NELL2: variants seen among roughly 807,000 people sequenced by gnomAD.
NELL2 encodes neural EGFL like 2.
Under a neutral mutation model 109.6 loss-of-function variants are expected in NELL2, and 41 were observed. The observed-to-expected ratio is 0.37, with a 90% CI of 0.29 to 0.49. NELL2 has a LOEUF of 0.49. Among genes scored for constraint, NELL2 ranks in the 20% least tolerant of loss-of-function variants. NELL2 has a pLI of 0.98. For missense variants in NELL2, 900 were observed against 1,008.3 expected (o/e 0.89, Z 1.45); for synonymous variants, 355 against 344.7 (o/e 1.03, Z -0.33).
chr12:44,638,718 A>T (rs1276806803), intron 13 of NELL2, among the ~76,000 whole-genome samples: 1 of 152,184 alleles, frequency 6.6e-6, no homozygotes, highest in Non-Finnish European at 1.5e-5. Flanking sequence ...TTGATAACAC[A>T]TCTTGTAACA....
chr12:44,648,943 T>TGTG, intron 13 of NELL2, among the ~76,000 whole-genome samples: 2 of 147,754 alleles, frequency 1.4e-5, no homozygotes, highest in Admixed American at 6.8e-5. Flanking sequence ...TGTGTGTGTG[T>TGTG]TTAGTAGAGA....
At chr12:44,804,294 G>A (rs1305369908) in intron 3 of NELL2, among the ~76,000 whole-genome samples, 1 of 151,844 alleles carries the variant, frequency 6.6e-6, no homozygotes, top group Non-Finnish European at 1.5e-5. Context: ...ACTAAAAAAA[G>A]AGGCAAACAT....
rs1555217784 is a variant in NELL2, at chr12:44,791,126, T to TATAC, written c.336-11105_336-11104insGTAT. On this transcript the variant is annotated intron_variant, in intron 3 of 19. Coordinates refer to ENST00000429094, the MANE Select transcript of NELL2 (RefSeq NM_001145108.2). The stretch of plus-strand genomic sequence containing the variant: ...ATATATATGTATATATATATGTATA[T>TATAC]ATATATATACACACGCACACACATA... Among the ~76,000 whole-genome samples the TATAC allele has an allele frequency of 1.3e-4, 9 of 67,870 alleles. 1 individual carries two copies. The highest frequency in any genetic ancestry group is 2.7e-4 in the Non-Finnish European group (9 of 33,378). The allele number at this position is 67,870 out of a possible 152,430, so 44.5% of individuals were successfully genotyped here. A position where few individuals can be genotyped will look rare whatever the true frequency, so the allele number is the denominator to read the frequency against.
Position 44,617,709 on chromosome 12 carries a change from A to AAAAAAAAAAAAAAAG in NELL2, c.1445-6740_1445-6739insCTTTTTTTTTTTTTT, listed in dbSNP as rs1461260807. ...TCCGTCTCAAAAAAAAAAAAAAAAA[A>AAAAAAAAAAAAAAAG]AAAAGAAAAAGCAGTTGTGAAGAAT... On this transcript the variant is annotated intron_variant, in intron 13 of 19. Coordinates refer to ENST00000429094, the MANE Select transcript of NELL2 (RefSeq NM_001145108.2). Among the ~76,000 whole-genome samples the AAAAAAAAAAAAAAAG allele has an allele frequency of 2.9e-5, 3 of 103,632 alleles. No homozygotes were observed. The East Asian group carries it at 6.3e-4, about 22-fold the overall frequency. 68.0% of individuals were successfully genotyped at this position (103,632 alleles called of 152,430 possible). A position where few individuals can be genotyped will look rare whatever the true frequency, so the allele number is the denominator to read the frequency against.
intron 9 of NELL2, among the ~76,000 whole-genome samples, chr12:44,763,490 C>T (rs778535097): frequency 1.2e-4 from 18 of 151,850 alleles, no homozygotes; most frequent in Non-Finnish European, 2.5e-4. Flanking sequence ...TTTAGGCAAA[C>T]AAACAAACAA....
chr12:44,650,437 A>G (rs1947260941), intron 13 of NELL2, among the ~76,000 whole-genome samples: 1 of 151,952 alleles, frequency 6.6e-6, no homozygotes, highest in Non-Finnish European at 1.5e-5. Context: ...CTGGGATTAC[A>G]GGCGCCTGCC....
intron 3 of NELL2, among the ~76,000 whole-genome samples, chr12:44,811,368 A>G (rs1943174197): frequency 1.3e-5 from 2 of 150,462 alleles, no homozygotes; most frequent in South Asian, 4.2e-4. Context: ...AATTAAAGAC[A>G]TTATATGTTA....
intron 1 of NELL2, among the ~76,000 whole-genome samples, chr12:44,887,433 A>T (rs1237076807): frequency 6.6e-6 from 1 of 151,858 alleles, no homozygotes. Flanking sequence ...ACTAGCATCC[A>T]TTATTGCCTG....
Position 44,520,056 on chromosome 12 carries a change from G to T in NELL2, c.2349C>A (p.Thr783=). 3.1e-6 allele frequency: 5 copies of T among 1,614,120 alleles called. No homozygotes were observed. The highest frequency in any genetic ancestry group is 4.2e-6 in the Non-Finnish European group (5 of 1,180,024). Residue 783 remains threonine, a synonymous_variant, in exon 19 of 20, where the codon ACC becomes ACA. Transcript: ENST00000429094. ...TGCCATGTTTGATCCAAGAGGACCCGGTGAAGCGAACCACATTCATTTCGT... is the reference window on the plus strand; with the variant it reads ...TGCCATGTTTGATCCAAGAGGACCCTGTGAAGCGAACCACATTCATTTCGT... ...CLDEMNVVRF[T]GSSWIKHGTE...
intron 15 of NELL2, among the ~76,000 whole-genome samples, chr12:44,578,068 C>A (rs139376599): frequency 6.6e-6 from 1 of 152,120 alleles, no homozygotes; most frequent in Non-Finnish European, 1.5e-5. Context: ...TAGTACCAAA[C>A]GTTATCCCTT....
rs370369007 is a variant in NELL2, at chr12:44,867,885, C to T, written c.184+7340G>A. Among the ~76,000 whole-genome samples, 102 of 152,010 alleles carry T rather than the reference C, an allele frequency of 6.7e-4. 2 individuals carry two copies. In the South Asian group the frequency reaches 0.011, roughly 16 times the overall value. ...CTGTAATCCCAGCACTTTGTGAGCCCGAGGCGGTCCAATCACTTGAGGTGA... is the reference window on the plus strand; with the variant it reads ...CTGTAATCCCAGCACTTTGTGAGCCTGAGGCGGTCCAATCACTTGAGGTGA... On this transcript the variant is annotated intron_variant, in intron 2 of 19. Coordinates refer to ENST00000429094, the MANE Select transcript of NELL2 (RefSeq NM_001145108.2).
chr12:44,841,193 T>C lies in NELL2; in HGVS notation c.185-25057A>G, dbSNP rs11182710. Reference sequence around the variant, plus strand: ...ATTGGCAGGCTATGTAGTATGGCATTTCAAAATTGCTTCGACCTCCCTGAT... The same window carrying C: ...ATTGGCAGGCTATGTAGTATGGCATCTCAAAATTGCTTCGACCTCCCTGAT... On this transcript the variant is annotated intron_variant, in intron 2 of 19. Coordinates refer to ENST00000429094, the MANE Select transcript of NELL2 (RefSeq NM_001145108.2). 2.1e-3 allele frequency among the ~76,000 whole-genome samples: 316 copies of C among 152,302 alleles called. 8 individuals are homozygous for C. The East Asian group carries it at 0.053, about 26-fold the overall frequency.
At chr12:44,834,322 TTTCTC>T (rs1275411718) in intron 2 of NELL2, among the ~76,000 whole-genome samples, 1 of 152,106 alleles carries the variant, frequency 6.6e-6, no homozygotes, top group African/African-American at 2.4e-5. Context: ...ATGTCACTCT[TTTCTC>T]TTGTTTCATA....
intron 13 of NELL2, among the ~76,000 whole-genome samples, chr12:44,631,847 T>A (rs1946468268): frequency 1.3e-5 from 2 of 152,070 alleles, no homozygotes; most frequent in Admixed American, 1.3e-4. Flanking sequence ...CTTACCCTGA[T>A]CCTAAGCCCG....
chr12:44,903,589 G>A lies in NELL2; in HGVS notation c.38+10210C>T, dbSNP rs181743795. ...TTCTACTATAAAGATACATGCACAC[G>A]TATGTTTATTGCAGCACTATTCACA... On this transcript the variant is annotated intron_variant, in intron 1 of 20. Coordinates refer to the NELL2 transcript ENST00000333837. Among the ~76,000 whole-genome samples, 276 of 152,156 alleles carry A rather than the reference G, an allele frequency of 1.8e-3. 3 individuals carry two copies. The highest frequency in any genetic ancestry group is 6.3e-3 in the African/African-American group (260 of 41,498).
intron 2 of NELL2, among the ~76,000 whole-genome samples, chr12:44,837,439 G>A (rs1944087761): frequency 6.6e-6 from 1 of 152,170 alleles, no homozygotes; most frequent in East Asian, 1.9e-4. Flanking sequence ...GAGAACCACT[G>A]ATTAGGTTTT....
intron 2 of NELL2, among the ~76,000 whole-genome samples, chr12:44,858,040 C>T (rs191013507): frequency 2.6e-4 from 39 of 152,254 alleles, no homozygotes; most frequent in African/African-American, 9.1e-4. Context: ...GGAGCATGAT[C>T]CTCTGATAAG....
At chr12:44,862,158 T>A (rs1487795613) in intron 2 of NELL2, among the ~76,000 whole-genome samples, 1 of 152,226 alleles carries the variant, frequency 6.6e-6, no homozygotes, top group African/African-American at 2.4e-5. Context: ...AAATTAGAAG[T>A]TTAACTCTTT....
At chr12:44,537,080 T>C (rs1204399363) in intron 15 of NELL2, among the ~76,000 whole-genome samples, 4 of 150,702 alleles carry the variant, frequency 2.7e-5, no homozygotes, top group African/African-American at 9.8e-5. Context: ...TACATCAGTG[T>C]CTTGTTTTCT....
Sources: allele counts gnomAD v4.1 joint callset (sites outside exome capture counted in the v4.1 genomes callset), GRCh38; gene constraint gnomAD v4.1.1; transcripts MANE v1.5; gene names NCBI Gene and HGNC (gene_info 2026-07-23, HGNC 2026-07-21).